PSTPIP2: variants seen among roughly 807,000 people sequenced by gnomAD.
PSTPIP2 encodes proline-serine-threonine phosphatase-interacting protein 2.
In PSTPIP2, 33 loss-of-function variants were observed where a neutral mutation model predicts 63.3. The observed-to-expected ratio is 0.52, with a 90% CI of 0.40 to 0.70. PSTPIP2 has a LOEUF of 0.70. PSTPIP2 is among the 30% of genes least tolerant of loss of function. PSTPIP2 has a pLI of 0.00. For synonymous variants in PSTPIP2, 125 were observed against 132.7 expected, an observed-to-expected ratio of 0.94 and a Z score of 0.40; for missense variants, 312 against 400.7, an observed-to-expected ratio of 0.78 and a Z score of 1.89.
chr18:46,022,719 T>C (rs1482978013), intron 3 of PSTPIP2, among the ~76,000 whole-genome samples: 1 of 152,182 alleles, frequency 6.6e-6, no homozygotes, highest in Admixed American at 6.5e-5. Context: ...AGACGGAGTG[T>C]ATTGCTAAAG....
Position 45,985,221 on chromosome 18 carries a change from C to G in PSTPIP2, c.*238G>C, listed in dbSNP as rs112879023. On this transcript the variant is annotated 3_prime_UTR_variant, in exon 15 of 15. Coordinates refer to ENST00000409746, the MANE Select transcript of PSTPIP2 (RefSeq NM_024430.4). ...CCTAATTCATTCATAACCTGAGTAA[C>G]TGGGAAAGAATAATTCTTCAGAATG... is the stretch of plus-strand genomic sequence containing the variant. The G allele has an allele frequency of 3.6e-6, 2 of 552,428 alleles. No homozygotes were observed. Among genetic ancestry groups the G allele is most frequent in the Admixed American group, 7.2e-5 (2 of 27,666 alleles). 34.2% of individuals were successfully genotyped at this position (552,428 alleles called of 1,614,324 possible). A position where few individuals can be genotyped will look rare whatever the true frequency, so the allele number is the denominator to read the frequency against.
chr18:45,997,704 CCCA>C, intron 9 of PSTPIP2, 42 bp downstream of exon 9: 1 of 309,230 alleles, frequency 3.2e-6, no homozygotes, highest in Non-Finnish European at 6.2e-6. Context: ...TACACACACC[CCCA>C]CCCACCCACC....
At chr18:46,002,898 T>C (rs2051682488) in intron 6 of PSTPIP2, among the ~76,000 whole-genome samples, 1 of 152,238 alleles carries the variant, frequency 6.6e-6, no homozygotes, top group Admixed American at 6.5e-5. Flanking sequence ...TTGGCAGCTA[T>C]TGATTGTCTT....
At chr18:46,018,011 A>G (rs1048833479) in intron 3 of PSTPIP2, among the ~76,000 whole-genome samples, 2 of 151,952 alleles carry the variant, frequency 1.3e-5, no homozygotes, top group African/African-American at 4.8e-5. Context: ...CTGAATTTTT[A>G]TTTTAAGTAT....
chr18:46,057,333 CTTTTTT>C (rs1187275590), intron 1 of PSTPIP2, among the ~76,000 whole-genome samples: 1 of 145,732 alleles, frequency 6.9e-6, no homozygotes, highest in Non-Finnish European at 1.5e-5. Flanking sequence ...TTTTCTTTTT[CTTTTTT>C]TTTTTGAGGC....
chr18:45,993,779 A>G, intron 9 of PSTPIP2, 76 bp from the exon 10 acceptor site: 1 of 1,233,506 alleles, frequency 8.1e-7, no homozygotes, highest in South Asian at 1.3e-5. Flanking sequence ...TGACTTAAGA[A>G]ACAGTGTCAA....
intron 1 of PSTPIP2, among the ~76,000 whole-genome samples, chr18:46,070,384 C>T (rs937944521): frequency 1.3e-5 from 2 of 152,216 alleles, no homozygotes; most frequent in East Asian, 3.9e-4. Flanking sequence ...TCCCCGTATC[C>T]AGCATCCCTG....
intron 1 of PSTPIP2, among the ~76,000 whole-genome samples, chr18:46,048,532 C>A (rs1908462684): frequency 6.6e-6 from 1 of 152,154 alleles, no homozygotes. Context: ...GCATCACGTG[C>A]CTTCTGTTAC....
chr18:45,996,885 G>A (rs1265174445), intron 9 of PSTPIP2, among the ~76,000 whole-genome samples: 4 of 152,168 alleles, frequency 2.6e-5, no homozygotes, highest in Non-Finnish European at 4.4e-5. Flanking sequence ...TCATGCCACT[G>A]CACTCCAGCC....
rs115501467 is a variant in PSTPIP2, at chr18:46,017,867, C to T, written c.213-1930G>A. Among the ~76,000 whole-genome samples the T allele has an allele frequency of 6.0e-3, 913 of 152,248 alleles. 5 individuals are homozygous for T. Among genetic ancestry groups the T allele is most frequent in the African/African-American group, 0.02 (820 of 41,556 alleles). Reference sequence around the variant, plus strand: ...CAATAGATCTCCTGAACTTATTCCTCCTAACCGAAATTTTGTATCCTTTGA... The same window carrying T: ...CAATAGATCTCCTGAACTTATTCCTTCTAACCGAAATTTTGTATCCTTTGA... On this transcript the variant is annotated intron_variant, in intron 3 of 14. Transcript: ENST00000409746.
In PSTPIP2 at chr18:46,002,180, A is replaced by G. The variant is rs570411669; in HGVS notation, c.418-2646T>C. Among the ~76,000 whole-genome samples, 4 of 152,204 alleles carry G rather than the reference A, an allele frequency of 2.6e-5. No individual in the cohort carries two copies. The East Asian group carries it at 7.7e-4, about 29-fold the overall frequency. ...TCATTTAGTTTTCAGAAGTTCGATT[A>G]TATGTCTTGGTATGGATTTCTTTGG... On this transcript the variant is annotated intron_variant, in intron 6 of 14. Coordinates refer to ENST00000409746, the MANE Select transcript of PSTPIP2 (RefSeq NM_024430.4).
intron 6 of PSTPIP2, among the ~76,000 whole-genome samples, chr18:46,003,923 A>ATT (rs569661458): frequency 1.6e-3 from 233 of 142,884 alleles, no homozygotes; most frequent in African/African-American, 5.6e-3. Context: ...CACCCAGCTA[A>ATT]TTTTTTTTTT....
intron 3 of PSTPIP2, among the ~76,000 whole-genome samples, chr18:46,019,872 T>A (rs1317807750): frequency 6.6e-6 from 1 of 152,072 alleles, no homozygotes; most frequent in African/African-American, 2.4e-5. Flanking sequence ...AATTAATAAA[T>A]CCACTCTTCA....
chr18:45,985,174 T>C lies in PSTPIP2; in HGVS notation c.*285A>G. ...GGATGCTCCAAATCCAGAAGTGGAT[T>C]TCATGCTTCCCATGTTGAAAACCTA... is the stretch of plus-strand genomic sequence containing the variant. On this transcript the variant is annotated 3_prime_UTR_variant, in exon 15 of 15. Transcript: ENST00000409746. 2.2e-6 allele frequency: 1 copy of C among 461,618 alleles called. No individual in the cohort carries two copies. Among genetic ancestry groups the C allele is most frequent in the Non-Finnish European group, 3.8e-6 (1 of 264,394 alleles). The allele number at this position is 461,618 out of a possible 1,614,324, so 28.6% of individuals were successfully genotyped here.
At chr18:46,014,278 T>A (rs1176201970) in intron 4 of PSTPIP2, among the ~76,000 whole-genome samples, 1 of 143,072 alleles carries the variant, frequency 7.0e-6, no homozygotes, top group Admixed American at 7.2e-5. Context: ...CGCCTTGGCC[T>A]CCCAAAGCGT....
chr18:46,047,839 A>C (rs1908438725), intron 1 of PSTPIP2, among the ~76,000 whole-genome samples: 1 of 152,236 alleles, frequency 6.6e-6, no homozygotes, highest in Non-Finnish European at 1.5e-5. Context: ...AGACTAATGG[A>C]TTTAGTATTC....
intron 10 of PSTPIP2, 49 bp from the exon 11 acceptor site, chr18:45,992,251 T>G: frequency 6.9e-7 from 1 of 1,451,308 alleles, no homozygotes; most frequent in Non-Finnish European, 9.5e-7. Context: ...GAGATCATTG[T>G]GACACAGCTC....
chr18:46,045,211 C>T (rs376172561), intron 1 of PSTPIP2, among the ~76,000 whole-genome samples: 2,240 of 152,228 alleles, frequency 0.015, 37 homozygotes, highest in Admixed American at 0.037. Flanking sequence ...CACATGCACA[C>T]GTATGTTTAT....
intron 1 of PSTPIP2, among the ~76,000 whole-genome samples, chr18:46,058,751 G>A (rs1599747722): frequency 6.6e-6 from 1 of 152,224 alleles, no homozygotes; most frequent in East Asian, 1.9e-4. Context: ...AGGCAGGGGT[G>A]CTGAGGAGAG....
Sources: allele counts gnomAD v4.1 joint callset (sites outside exome capture counted in the v4.1 genomes callset), GRCh38; gene constraint gnomAD v4.1.1; transcripts MANE v1.5; gene names NCBI Gene and HGNC (gene_info 2026-07-23, HGNC 2026-07-21).